GRAP2: variants seen among roughly 807,000 people sequenced by gnomAD.
GRAP2 encodes the protein GRB2-related adapter protein 2.
In GRAP2, 31 loss-of-function variants were observed where a neutral mutation model predicts 43.5. The ratio of observed to expected loss-of-function variants is 0.71; its 90% confidence interval spans 0.54 to 0.96. GRAP2 has a LOEUF of 0.96. GRAP2 is among the 40% of genes least tolerant of loss of function. The probability of loss-of-function intolerance (pLI) is 0.00; values close to 1 mark genes in which losing one functional copy is unlikely to be tolerated. For missense variants in GRAP2, 371 were observed against 424.4 expected (o/e 0.87, Z 1.11); for synonymous variants, 156 against 164.8 (o/e 0.95, Z 0.41).
intron 1 of GRAP2, among the ~76,000 whole-genome samples, chr22:39,906,336 T>C (rs2066523028): frequency 1.3e-5 from 2 of 152,178 alleles, no homozygotes; most frequent in South Asian, 2.1e-4. Flanking sequence ...AATTCCCTGG[T>C]TGGTTATCTC....
rs563753623 is a variant in GRAP2 at position 39,971,982 on chromosome 22, T to C, written c.*898T>C. Reference sequence around the variant, plus strand: ...GGCTCTGTTCATTTTCCCTCTTGATTTTCTCTTTTGAAGATGCCTTGCCCA... The same window carrying C: ...GGCTCTGTTCATTTTCCCTCTTGATCTTCTCTTTTGAAGATGCCTTGCCCA... On this transcript the variant is annotated 3_prime_UTR_variant, in exon 8 of 8. Coordinates refer to ENST00000344138, the MANE Select transcript of GRAP2 (RefSeq NM_004810.4). The C allele has an allele frequency of 6.6e-6, 1 of 152,254 alleles. No homozygotes were observed. The highest frequency in any genetic ancestry group is 1.9e-4 in the East Asian group (1 of 5,198). The allele number at this position is 152,254 out of a possible 1,614,324, so 9.4% of individuals were successfully genotyped here. A position where few individuals can be genotyped will look rare whatever the true frequency, so the allele number is the denominator to read the frequency against.
chr22:39,941,572 C>A (rs2066871633), intron 1 of GRAP2, among the ~76,000 whole-genome samples: 1 of 152,114 alleles, frequency 6.6e-6, no homozygotes, highest in Non-Finnish European at 1.5e-5. Context: ...TACATTTTTA[C>A]ATGGTTGAAA....
intron 1 of GRAP2, among the ~76,000 whole-genome samples, chr22:39,927,130 G>A (rs2066711072): frequency 6.6e-6 from 1 of 152,162 alleles, no homozygotes; most frequent in Admixed American, 6.5e-5. Flanking sequence ...GCTGAAAAGA[G>A]AAGAAAAAGC....
At chr22:39,927,584 G>A (rs1239311048) in intron 1 of GRAP2, among the ~76,000 whole-genome samples, 3 of 152,142 alleles carry the variant, frequency 2.0e-5, no homozygotes, top group Admixed American at 6.5e-5. Context: ...TGGCCTAATC[G>A]CATCGGGAGA....
intron 2 of GRAP2, among the ~76,000 whole-genome samples, chr22:39,952,525 G>A (rs947126012): frequency 6.6e-6 from 1 of 152,098 alleles, no homozygotes; most frequent in South Asian, 2.1e-4. Context: ...CGCTGCTGCT[G>A]GGTTTCCTAG....
intron 2 of GRAP2, chr22:39,947,419 C>T (rs2066935084): frequency 1.9e-6 from 1 of 524,084 alleles, no homozygotes; most frequent in South Asian, 2.3e-5. Context: ...GAGGGGAACA[C>T]ATCCACCCAA....
Position 39,968,071 on chromosome 22 carries a change from G to A in GRAP2, c.489G>A (p.Arg163=), listed in dbSNP as rs2067193467. 3 of 1,612,842 alleles carry A rather than the reference G, an allele frequency of 1.9e-6. No homozygotes were observed. Among genetic ancestry groups the A allele is most frequent in the Admixed American group, 3.3e-5 (2 of 59,860 alleles). Residue 163 remains arginine (R), a synonymous_variant, in exon 6 of 8, where the codon AGG becomes AGA. Coordinates refer to ENST00000344138, the MANE Select transcript of GRAP2 (RefSeq NM_004810.4). ...ACCGGGGCAACAGCCTGGACCGGAG[G>A]TCCCAGGGAGGCCCACACCTCAGTG... The part of the protein sequence containing the change: ...QGHRGNSLDR[R]SQGGPHLSGA...
chr22:39,921,711 T>C (rs1331501236), intron 1 of GRAP2, among the ~76,000 whole-genome samples: 1 of 152,242 alleles, frequency 6.6e-6, no homozygotes, highest in African/African-American at 2.4e-5. Context: ...CACACAGAAA[T>C]ATTGTCTAGG....
chr22:39,961,187 C>T (rs2067116369), intron 4 of GRAP2, among the ~76,000 whole-genome samples: 1 of 152,066 alleles, frequency 6.6e-6, no homozygotes, highest in Admixed American at 6.6e-5. Context: ...CTCCTGGCCT[C>T]GAGTAATCCT....
intron 1 of GRAP2, among the ~76,000 whole-genome samples, chr22:39,917,399 A>C (rs1461071329): frequency 6.6e-6 from 1 of 152,186 alleles, no homozygotes; most frequent in Non-Finnish European, 1.5e-5. Flanking sequence ...CACCTGCCAG[A>C]TGCTTCTCGT....
chr22:39,971,152 G>A lies in GRAP2; in HGVS notation c.*68G>A. ...AGAAAGAGGGCAAGGAAAAAAGGCTGGACTCCATGACTATATATACATACA... is the reference window on the plus strand; with the variant it reads ...AGAAAGAGGGCAAGGAAAAAAGGCTAGACTCCATGACTATATATACATACA... On this transcript the variant is annotated 3_prime_UTR_variant, in exon 8 of 8. Transcript: ENST00000344138. 2.4e-6 allele frequency: 3 copies of A among 1,224,772 alleles called. No individual in the cohort carries two copies. The highest frequency in any genetic ancestry group is 3.5e-6 in the Non-Finnish European group (3 of 848,070). The allele number at this position is 1,224,772 out of a possible 1,614,324, so 75.9% of individuals were successfully genotyped here.
At chr22:39,948,039 A>G (rs137992) in intron 2 of GRAP2, 84,104 of 151,444 alleles carry the variant, frequency 0.56, 25,222 homozygotes, top group African/African-American at 0.78. Flanking sequence ...CAGCAGTCCC[A>G]ATGAGCCTTC....
At chr22:39,955,635 A>G (rs141883095) in intron 2 of GRAP2, among the ~76,000 whole-genome samples, 184 bp from the exon 3 acceptor site, 1 of 152,316 alleles carries the variant, frequency 6.6e-6, no homozygotes, top group African/African-American at 2.4e-5. Context: ...AGCTGACTCC[A>G]AAGGTAAACC....
chr22:39,968,616 T>C lies in GRAP2; in HGVS notation c.690+344T>C, dbSNP rs149067528. 656 of 346,282 alleles carry C rather than the reference T, an allele frequency of 1.9e-3. 5 individuals carry two copies. The highest frequency in any genetic ancestry group is 0.013 in the African/African-American group (618 of 47,644). The allele number at this position is 346,282 out of a possible 1,614,324, so 21.5% of individuals were successfully genotyped here. A position where few individuals can be genotyped will look rare whatever the true frequency, so the allele number is the denominator to read the frequency against. On this transcript the variant is annotated intron_variant, in intron 6 of 7. Transcript: ENST00000344138. ...CCCCTTAGCCCATCTGGCTGTCAGATCCACAAGAGAAAAAGGCTTAATACC... is the reference window on the plus strand; with the variant it reads ...CCCCTTAGCCCATCTGGCTGTCAGACCCACAAGAGAAAAAGGCTTAATACC...
intron 1 of GRAP2, among the ~76,000 whole-genome samples, chr22:39,940,727 G>C (rs1370304449): frequency 6.6e-6 from 1 of 152,148 alleles, no homozygotes; most frequent in African/African-American, 2.4e-5. Flanking sequence ...CACCTCTCCA[G>C]GCTGCTCAGG....
chr22:39,910,085 A>G (rs1029454188), intron 1 of GRAP2, among the ~76,000 whole-genome samples: 3 of 152,174 alleles, frequency 2.0e-5, no homozygotes, highest in Non-Finnish European at 4.4e-5. Flanking sequence ...TAGTTCTTGT[A>G]ACCACTCCTC....
At chr22:39,936,579 C>T (rs1601711658) in intron 1 of GRAP2, among the ~76,000 whole-genome samples, 1 of 151,760 alleles carries the variant, frequency 6.6e-6, no homozygotes, top group East Asian at 1.9e-4. Context: ...ATTAATGTTT[C>T]AAGGAGAAAG....
intron 1 of GRAP2, among the ~76,000 whole-genome samples, chr22:39,904,933 G>C (rs550954749): frequency 4.0e-4 from 61 of 152,188 alleles, no homozygotes; most frequent in Non-Finnish European, 6.9e-4. Flanking sequence ...CTCCAAGTTA[G>C]GACTAAAAGC....
At chr22:39,940,065 A>C (rs2066850843) in intron 1 of GRAP2, among the ~76,000 whole-genome samples, 2 of 152,208 alleles carry the variant, frequency 1.3e-5, no homozygotes, top group South Asian at 4.1e-4. Flanking sequence ...CTCTGCACCT[A>C]GCCACAGAGC....
Sources: allele counts gnomAD v4.1 joint callset (sites outside exome capture counted in the v4.1 genomes callset), GRCh38; gene constraint gnomAD v4.1.1; transcripts MANE v1.5; gene names NCBI Gene and HGNC (gene_info 2026-07-23, HGNC 2026-07-21).